FAF1: variants seen among roughly 807,000 people sequenced by gnomAD.
FAF1 encodes FAS-associated factor 1.
In FAF1, 25 loss-of-function variants were observed where a neutral mutation model predicts 92.5. That is an observed-to-expected ratio of 0.27 (90% CI 0.20 to 0.38). The LOEUF (loss-of-function observed/expected upper bound fraction) is 0.38. Ranked by LOEUF, FAF1 falls within the 10% of genes least tolerant of loss-of-function variation. The probability of loss-of-function intolerance (pLI) is 1.00; values close to 1 mark genes in which losing one functional copy is unlikely to be tolerated. For synonymous variants in FAF1, 234 were observed against 273.2 expected (o/e 0.86, Z 1.42); for missense variants, 636 against 793.3 (o/e 0.80, Z 2.38).
chr1:50,527,249 G>A (rs1438861174), intron 15 of FAF1, among the ~76,000 whole-genome samples: 1 of 152,094 alleles, frequency 6.6e-6, no homozygotes, highest in Non-Finnish European at 1.5e-5. Context: ...TAATAATGTT[G>A]AGCTTCTTTT....
intron 1 of FAF1, among the ~76,000 whole-genome samples, chr1:50,879,030 G>A (rs1644591424): frequency 6.6e-6 from 1 of 152,154 alleles, no homozygotes; most frequent in South Asian, 2.1e-4. Context: ...CAGATCACTT[G>A]AGGTCAGGAG....
At chr1:50,471,788 A>T (rs771586495) in intron 18 of FAF1, among the ~76,000 whole-genome samples, 11 of 152,166 alleles carry the variant, frequency 7.2e-5, no homozygotes, top group Non-Finnish European at 1.2e-4. Flanking sequence ...AAATTGAAAG[A>T]TCTCACTTTC....
chr1:50,684,414 T>G (rs1001785850), intron 7 of FAF1, among the ~76,000 whole-genome samples: 2 of 152,162 alleles, frequency 1.3e-5, no homozygotes, highest in African/African-American at 4.8e-5. Flanking sequence ...ATAAAGCAGC[T>G]GATATACTCA....
intron 18 of FAF1, chr1:50,469,369 G>A (rs1343411285): frequency 6.6e-6 from 1 of 152,190 alleles, no homozygotes; most frequent in Non-Finnish European, 1.5e-5. Flanking sequence ...CCCCAAAGCT[G>A]ACAGAAGAGG....
At chr1:50,771,840 G>T (rs1660785348) in intron 4 of FAF1, among the ~76,000 whole-genome samples, 1 of 152,214 alleles carries the variant, frequency 6.6e-6, no homozygotes. Flanking sequence ...GGCGGAGGTT[G>T]CAGTGAGCCA....
chr1:50,673,187 G>A (rs533703004), intron 7 of FAF1, among the ~76,000 whole-genome samples: 3 of 152,012 alleles, frequency 2.0e-5, no homozygotes, highest in South Asian at 4.2e-4. Flanking sequence ...GAACCCGGGA[G>A]GCAGAGGTTG....
intron 6 of FAF1, among the ~76,000 whole-genome samples, chr1:50,711,999 G>C (rs1189075860): frequency 6.6e-6 from 1 of 152,136 alleles, no homozygotes; most frequent in East Asian, 1.9e-4. Flanking sequence ...CCATTTTACA[G>C]ATGAGGAAAC....
In FAF1 at chr1:50,836,182, T is replaced by C. The variant is rs182796875; in HGVS notation, c.114+21747A>G. Among the ~76,000 whole-genome samples, 568 of 142,016 alleles carry C rather than the reference T, an allele frequency of 4.0e-3. 17 individuals carry two copies. The highest frequency in any genetic ancestry group is 0.029 in the Middle Eastern group (8 of 274). The allele number at this position is 142,016 out of a possible 152,430, so 93.2% of individuals were successfully genotyped here. A position where few individuals can be genotyped will look rare whatever the true frequency, so the allele number is the denominator to read the frequency against. ...GTTTTTTGTTTCTGTTTTTTTTTTTTTTTTTTTAGACAGGGTCTCATTCTG... is the reference window on the plus strand; with the variant it reads ...GTTTTTTGTTTCTGTTTTTTTTTTTCTTTTTTTAGACAGGGTCTCATTCTG... On this transcript the variant is annotated intron_variant, in intron 2 of 18. Coordinates refer to ENST00000396153, the MANE Select transcript of FAF1 (RefSeq NM_007051.3).
intron 1 of FAF1, among the ~76,000 whole-genome samples, chr1:50,885,324 A>ACACACACACACACACACACACTCTCT (rs1644651416): frequency 2.0e-5 from 2 of 102,210 alleles, no homozygotes; most frequent in African/African-American, 3.5e-5. Flanking sequence ...ACACACACAC[A>ACACACACACACACACACACACTCTCT]CTCTCTCTCT....
At chr1:50,722,068 C>T (rs1337561544) in intron 6 of FAF1, among the ~76,000 whole-genome samples, 1 of 152,214 alleles carries the variant, frequency 6.6e-6, no homozygotes, top group Admixed American at 6.5e-5. Context: ...TAAAAACCTA[C>T]TGTTTTTTTC....
At chr1:50,523,556 A>C (rs1442032785) in intron 15 of FAF1, among the ~76,000 whole-genome samples, 1 of 152,162 alleles carries the variant, frequency 6.6e-6, no homozygotes, top group Non-Finnish European at 1.5e-5. Flanking sequence ...GGTCATCTGT[A>C]TATCTTTGAA....
Position 50,585,898 on chromosome 1 carries a change from A to G in FAF1, c.841-1087T>C, listed in dbSNP as rs980851984. Among the ~76,000 whole-genome samples, 13 of 150,860 alleles carry G rather than the reference A, an allele frequency of 8.6e-5. No individual in the cohort carries two copies. The South Asian group carries it at 1.0e-3, about 12-fold the overall frequency. The stretch of plus-strand genomic sequence containing the variant: ...CTCTACATAAAAAAAAAAAAAAAAA[A>G]AAAGAAAAAAGTCTGGCATGATGGT... On this transcript the variant is annotated intron_variant, in intron 9 of 18. Transcript: ENST00000396153.
chr1:50,944,456 T>C (rs1267619969), intron 1 of FAF1, among the ~76,000 whole-genome samples: 1 of 152,190 alleles, frequency 6.6e-6, no homozygotes, highest in African/African-American at 2.4e-5. Flanking sequence ...CTGCTCTCTG[T>C]CCATTGCTAC....
rs115579144 is a variant in FAF1, at chr1:50,885,119, C to T, written c.46-27122G>A. Among the ~76,000 whole-genome samples the T allele has an allele frequency of 9.9e-3, 1,507 of 152,150 alleles. 23 individuals carry two copies. The highest frequency in any genetic ancestry group is 0.034 in the African/African-American group (1,429 of 41,484). On this transcript the variant is annotated intron_variant, in intron 1 of 18. Coordinates refer to ENST00000396153, the MANE Select transcript of FAF1 (RefSeq NM_007051.3). ...TTCCACAGTATCAGACATAACGTGT[C>T]GTTTTTCATCTCTGATTTTATTTAT...
intron 4 of FAF1, among the ~76,000 whole-genome samples, chr1:50,759,574 C>T (rs1446124143): frequency 6.6e-6 from 1 of 151,862 alleles, no homozygotes; most frequent in Non-Finnish European, 1.5e-5. Flanking sequence ...GGGTTGGTTC[C>T]AAGTCTTTGC....
chr1:50,770,873 G>T (rs1329621977), intron 4 of FAF1, among the ~76,000 whole-genome samples: 10 of 152,136 alleles, frequency 6.6e-5, no homozygotes, highest in Non-Finnish European at 1.2e-4. Flanking sequence ...CTACAAGGCT[G>T]CAGTAACCAT....
intron 7 of FAF1, among the ~76,000 whole-genome samples, chr1:50,667,726 C>A (rs763175685): frequency 6.6e-6 from 1 of 152,130 alleles, no homozygotes. Flanking sequence ...AACAATAATG[C>A]GGATTTTTAA....
intron 6 of FAF1, among the ~76,000 whole-genome samples, chr1:50,713,189 C>T (rs1281471388): frequency 2.0e-5 from 3 of 146,740 alleles, no homozygotes; most frequent in African/African-American, 7.6e-5. Flanking sequence ...GTTCACGCTG[C>T]TTCAACTTTT....
At chr1:50,892,162 G>T (rs924406842) in intron 1 of FAF1, among the ~76,000 whole-genome samples, 3 of 152,214 alleles carry the variant, frequency 2.0e-5, no homozygotes, top group African/African-American at 7.2e-5. Flanking sequence ...CAAGCCAGGA[G>T]TGGGATATAA....
Sources: gnomAD v4.1 joint callset for allele counts (sites outside exome capture counted in the v4.1 genomes callset) on GRCh38, gnomAD v4.1.1 for gene constraint, MANE v1.5 for transcripts, NCBI Gene and HGNC (gene_info 2026-07-23, HGNC 2026-07-21) for gene names.